The following ZC3H4 variants were observed in gnomAD, a reference collection of about 807,000 sequenced individuals.
ZC3H4 encodes the protein zinc finger CCCH domain-containing protein 4.
ZC3H4 carries 13 observed loss-of-function variants against 108.3 expected under a neutral mutation model. The observed-to-expected ratio is 0.12, with a 90% CI of 0.08 to 0.19. The LOEUF is 0.19. ZC3H4 is among the 10% of genes least tolerant of loss of function. The pLI, the probability that ZC3H4 is intolerant of heterozygous loss-of-function variation, is 1.00. For missense variants in ZC3H4, 1,734 were observed against 1,838.8 expected (o/e 0.94, Z 1.04); for synonymous variants, 917 against 749.6 (o/e 1.22, Z -3.65).
At chr19:47,107,491 AC>A (rs1302308566) in intron 2 of ZC3H4, among the ~76,000 whole-genome samples, 1 of 152,130 alleles carries the variant, frequency 6.6e-6, no homozygotes, top group Non-Finnish European at 1.5e-5. Context: ...GCCACCTCCG[AC>A]ATTCAAAAAG....
At chr19:47,074,180 T>C (rs2057378503) in intron 11 of ZC3H4, among the ~76,000 whole-genome samples, 2 of 152,188 alleles carry the variant, frequency 1.3e-5, no homozygotes, top group African/African-American at 4.8e-5. Context: ...TCAACGTCAC[T>C]CAACTGTTGA....
Position 47,071,918 on chromosome 19 carries a change from G to T in ZC3H4, c.2006C>A (p.Pro669His), listed in dbSNP as rs1381548940. The T allele has an allele frequency of 6.2e-7, 1 of 1,612,322 alleles. No homozygotes were observed. The highest frequency in any genetic ancestry group is 2.2e-5 in the East Asian group (1 of 44,868). ...NPGPPMGPGG[P>H]PMMPYGPGDS... ...TCCAGGGCCGTAGGGCATCATTGGA[G>T]GGCCGCCAGGGCCCATGGGTGGGCC... Residue 669 changes from proline (P) to histidine (H), a missense_variant, in exon 13 of 15, where the codon CCT becomes CAT. Pro to His is a moderately conservative substitution (Grantham distance 77). This residue lies in a region of ZC3H4 where 540 missense variants were observed against 484.1 expected (regional missense o/e 1.12). Coordinates refer to ENST00000253048, the MANE Select transcript of ZC3H4 (RefSeq NM_015168.2).
At chr19:47,100,856 T>G (rs1255896844) in intron 2 of ZC3H4, among the ~76,000 whole-genome samples, 2 of 151,796 alleles carry the variant, frequency 1.3e-5, no homozygotes. Flanking sequence ...TGCCACCGCG[T>G]CCAGATAATT....
At position 47,067,066 on chromosome 19, in the gene ZC3H4, G is replaced by A; in HGVS notation, c.3202C>T (p.Pro1068Ser). 2 of 1,609,326 alleles carry A rather than the reference G, an allele frequency of 1.2e-6. No homozygotes were observed. Among genetic ancestry groups the A allele is most frequent in the Non-Finnish European group, 1.7e-6 (2 of 1,177,988 alleles). Residue 1068 changes from proline (P) to serine (S), a missense_variant, in exon 15 of 15, where the codon CCC becomes TCC. Around this residue, in one of 9 missense-constraint regions of ZC3H4, gnomAD observed 518 missense variants for 499.6 expected, o/e 1.04. Transcript: ENST00000253048. The surrounding 1 kb of genome is among the most constrained non-coding windows in gnomAD (Gnocchi z 6.4). ...SSAAPGSSDK[P>S]SDPRVRKAPT... The stretch of plus-strand genomic sequence containing the variant: ...GCCTTCCGCACCCGGGGGTCACTGG[G>A]TTTGTCGCTGGAACCGGGGGCGGCC...
At chr19:47,070,219 C>T (rs956084373) in intron 13 of ZC3H4, among the ~76,000 whole-genome samples, 6 of 152,144 alleles carry the variant, frequency 3.9e-5, no homozygotes, top group African/African-American at 1.4e-4. Context: ...AACATGTGGC[C>T]GCCTAGATCC....
rs139035151 is a variant in ZC3H4, at chr19:47,067,997, C to G, written c.2399-128G>C. 1,131 of 901,842 alleles carry G rather than the reference C, an allele frequency of 1.3e-3. 9 individuals are homozygous for G. In the African/African-American group the frequency reaches 0.016, roughly 13 times the overall value. 55.9% of individuals were successfully genotyped at this position (901,842 alleles called of 1,614,324 possible). Reference sequence around the variant, plus strand: ...CTCTCAGAACCTCAGGTCCTCCTCTCTAAGGCTCCCTCCCCACAGTGGGCG... The same window carrying G: ...CTCTCAGAACCTCAGGTCCTCCTCTGTAAGGCTCCCTCCCCACAGTGGGCG... On this transcript the variant is annotated intron_variant, in intron 14 of 14. Transcript: ENST00000253048. The surrounding 1 kb of genome is among the most constrained non-coding windows in gnomAD (Gnocchi z 6.4).
intron 6 of ZC3H4, among the ~76,000 whole-genome samples, chr19:47,085,874 C>CT (rs1010151712): frequency 6.6e-6 from 1 of 151,976 alleles, no homozygotes; most frequent in African/African-American, 2.4e-5. Context: ...TCTTCTTTTT[C>CT]TTTTTTTGAG....
chr19:47,105,854 T>C (rs921142084), intron 2 of ZC3H4, among the ~76,000 whole-genome samples: 1 of 152,200 alleles, frequency 6.6e-6, no homozygotes, highest in Non-Finnish European at 1.5e-5. Context: ...AGATCAATAA[T>C]TGGACTTCAT....
chr19:47,067,223 A>C lies in ZC3H4; in HGVS notation c.3045T>G (p.Ala1015=), dbSNP rs2057227696. The C allele has an allele frequency of 2.5e-6, 4 of 1,607,160 alleles. No individual in the cohort carries two copies. Among genetic ancestry groups the C allele is most frequent in the Non-Finnish European group, 3.4e-6 (4 of 1,177,016 alleles). Reference sequence around the variant, plus strand: ...GGGCGTTGGGGGGCCCTGCCGTGGCAGCGCGGTGCAGCCGGGGGTCCAGGG... The same window carrying C: ...GGGCGTTGGGGGGCCCTGCCGTGGCCGCGCGGTGCAGCCGGGGGTCCAGGG... ...MPTLDPRLHR[A]ATAGPPNARQ... The change falls in exon 15 of 15, where the codon GCT becomes GCG. Residue 1015 remains alanine, a synonymous_variant. Coordinates refer to ENST00000253048, the MANE Select transcript of ZC3H4 (RefSeq NM_015168.2). This position sits in a 1 kb window ranked among gnomAD's most constrained non-coding sequence, Gnocchi z 6.4.
In ZC3H4 at chr19:47,067,419, C is replaced by T. The variant is rs760862612; in HGVS notation, c.2849G>A (p.Arg950Gln). Residue 950 changes from arginine to glutamine, a missense_variant, in exon 15 of 15, where the codon CGG becomes CAG. By Grantham distance (43) the Arg-to-Gln change is conservative (BLOSUM62 1). Transcript: ENST00000253048. This position sits in a 1 kb window ranked among gnomAD's most constrained non-coding sequence, Gnocchi z 6.4. ...PLDPLPGHPL[R>Q]DPRSQLQQFS... ...CTGCTGCAGCTGTGACCGTGGGTCC[C>T]GCAGAGGGTGCCCGGGGAGTGGGTC... 5 of 1,606,720 alleles carry T rather than the reference C, an allele frequency of 3.1e-6. No individual in the cohort carries two copies. Among genetic ancestry groups the T allele is most frequent in the African/African-American group, 2.7e-5 (2 of 74,878 alleles).
chr19:47,106,990 G>C (rs1202432101), intron 2 of ZC3H4, among the ~76,000 whole-genome samples: 2 of 152,190 alleles, frequency 1.3e-5, no homozygotes, highest in Non-Finnish European at 2.9e-5. Context: ...GTTCTCAGAA[G>C]CCCTACTGAG....
chr19:47,066,839 C>T lies in ZC3H4; in HGVS notation c.3429G>A (p.Leu1143=), dbSNP rs752364985. Reference sequence around the variant, plus strand: ...TCGGGTCGTAGAGGCTGATACCGCTCAGCACACTGCTCTGCCCGCCCCCTC... The same window carrying T: ...TCGGGTCGTAGAGGCTGATACCGCTTAGCACACTGCTCTGCCCGCCCCCTC... The part of the protein sequence containing the change: ...QGGGGGQSSV[L]SGISLYDPRT... The change falls in exon 15 of 15, where the codon CTG becomes CTA. Residue 1143 remains leucine (L), a synonymous_variant. Transcript: ENST00000253048. 8 of 1,599,626 alleles carry T rather than the reference C, an allele frequency of 5.0e-6. No individual in the cohort carries two copies. In the East Asian group the frequency reaches 1.3e-4, roughly 27 times the overall value.
Position 47,071,930 on chromosome 19 carries a change from C to A in ZC3H4, c.1994G>T (p.Gly665Val). 6.2e-7 allele frequency: 1 copy of A among 1,612,626 alleles called. No individual in the cohort carries two copies. Among genetic ancestry groups the A allele is most frequent in the Non-Finnish European group, 8.5e-7 (1 of 1,179,340 alleles). The change falls in exon 13 of 15, where the codon GGC becomes GTC. Residue 665 changes from glycine (G) to valine (V), a missense_variant. By Grantham distance (109) the Gly-to-Val change is moderately radical. Around this residue, in one of 9 missense-constraint regions of ZC3H4, gnomAD observed 540 missense variants for 484.1 expected, o/e 1.12. Coordinates refer to ENST00000253048, the MANE Select transcript of ZC3H4 (RefSeq NM_015168.2). ...GGGCATCATTGGAGGGCCGCCAGGG[C>A]CCATGGGTGGGCCAGGATTCATGCC... Reference protein sequence around the residue: ...GPGMNPGPPMGPGGPPMMPYG... With the variant: ...GPGMNPGPPMVPGGPPMMPYG...
chr19:47,070,270 A>G (rs62136856), intron 13 of ZC3H4, among the ~76,000 whole-genome samples: 79,692 of 152,028 alleles, frequency 0.52, 24,607 homozygotes, highest in Non-Finnish European at 0.71. Flanking sequence ...TGTCTAGAAA[A>G]GTGCACTTGT....
chr19:47,073,398 C>T (rs1279311411), intron 11 of ZC3H4, among the ~76,000 whole-genome samples: 1 of 152,048 alleles, frequency 6.6e-6, no homozygotes, highest in African/African-American at 2.4e-5. Flanking sequence ...GGTGAAACCC[C>T]ATCTCTACTA....
chr19:47,087,086 G>A (rs1044696434), intron 5 of ZC3H4, among the ~76,000 whole-genome samples: 1 of 151,884 alleles, frequency 6.6e-6, no homozygotes, highest in East Asian at 1.9e-4. Context: ...GACCATCCTG[G>A]CCAACATGGT....
intron 2 of ZC3H4, among the ~76,000 whole-genome samples, chr19:47,095,877 TG>T (rs2057812376): frequency 6.6e-6 from 1 of 152,000 alleles, no homozygotes; most frequent in South Asian, 2.1e-4. Context: ...CAAAGAGAAG[TG>T]ATGTAAGGAG....
chr19:47,097,040 G>A (rs2057833117), intron 2 of ZC3H4: 21 of 968,594 alleles, frequency 2.2e-5, no homozygotes, highest in Non-Finnish European at 2.6e-5. Context: ...CCTGCGGGCA[G>A]AGGACAAAAG....
chr19:47,075,621 TAC>T (rs978577989), intron 11 of ZC3H4, among the ~76,000 whole-genome samples: 1 of 151,106 alleles, frequency 6.6e-6, no homozygotes, highest in Admixed American at 6.6e-5. Context: ...CACACACACA[TAC>T]ACACACACAC....
Sources: gnomAD v4.1 joint callset for allele counts (sites outside exome capture counted in the v4.1 genomes callset) on GRCh38, gnomAD v4.1.1 for gene constraint, gnomAD v4.1.1 regional missense constraint, Gnocchi (gnomAD v3.1) non-coding constraint, MANE v1.5 for transcripts, NCBI Gene and HGNC (gene_info 2026-07-23, HGNC 2026-07-21) for gene names.